The following FBXL2 variants were observed in gnomAD, a reference collection of about 807,000 sequenced individuals.
FBXL2 encodes the protein F-box/LRR-repeat protein 2.
A neutral mutation model predicts 69.2 loss-of-function variants in FBXL2; 38 were observed. The ratio of observed to expected loss-of-function variants is 0.55; its 90% CI spans 0.42 to 0.72. The LOEUF (loss-of-function observed/expected upper bound fraction) is 0.72, where lower values mean the gene tolerates loss of function less well. Among genes scored for constraint, FBXL2 ranks in the 30% least tolerant of loss-of-function variants. The pLI is 0.00. For synonymous variants in FBXL2, 192 were observed against 201.3 expected (o/e 0.95, Z 0.39); for missense variants, 354 against 520.3 (o/e 0.68, Z 3.11).
chr3:33,356,559 AG>A (rs759856800), intron 2 of FBXL2, among the ~76,000 whole-genome samples: 6 of 152,106 alleles, frequency 3.9e-5, no homozygotes, highest in Non-Finnish European at 8.8e-5. Context: ...TGTGTTGACC[AG>A]GTTGATCTCA....
chr3:33,297,328 A>G (rs1373688616), intron 1 of FBXL2, among the ~76,000 whole-genome samples: 1 of 152,098 alleles, frequency 6.6e-6, no homozygotes, highest in Non-Finnish European at 1.5e-5. Flanking sequence ...AGAATTTTCT[A>G]TATGCAAGAT....
At chr3:33,365,286 T>G (rs1224323827) in intron 5 of FBXL2, among the ~76,000 whole-genome samples, 1 of 151,474 alleles carries the variant, frequency 6.6e-6, no homozygotes, top group Non-Finnish European at 1.5e-5. Flanking sequence ...ATTGGGGTTT[T>G]TTTTTTTTTT....
At chr3:33,293,539 G>C (rs2035453404) in intron 1 of FBXL2, among the ~76,000 whole-genome samples, 1 of 152,134 alleles carries the variant, frequency 6.6e-6, no homozygotes, top group South Asian at 2.1e-4. Context: ...TCCTTTCTCT[G>C]ACAATACTGG....
intron 2 of FBXL2, among the ~76,000 whole-genome samples, chr3:33,321,350 A>T (rs2038199588): frequency 6.6e-6 from 1 of 151,958 alleles, no homozygotes; most frequent in Admixed American, 6.6e-5. Flanking sequence ...AAAGAAAAAG[A>T]AAAATGTGCA....
At chr3:33,365,490 C>T (rs887843643) in intron 5 of FBXL2, among the ~76,000 whole-genome samples, 3 of 151,986 alleles carry the variant, frequency 2.0e-5, no homozygotes, top group South Asian at 2.1e-4. Context: ...ATGTTGGCCA[C>T]GCTGGTCTTG....
chr3:33,292,328 A>G (rs922364224), intron 1 of FBXL2, among the ~76,000 whole-genome samples: 10 of 152,154 alleles, frequency 6.6e-5, no homozygotes, highest in African/African-American at 1.9e-4. Flanking sequence ...GCAGCGAGCC[A>G]AGATCATGCC....
At chr3:33,316,641 G>T (rs965354855) in intron 2 of FBXL2, among the ~76,000 whole-genome samples, 1 of 152,172 alleles carries the variant, frequency 6.6e-6, no homozygotes, top group South Asian at 2.1e-4. Context: ...AGGCCCCTTG[G>T]CTCCCTCCTG....
chr3:33,297,573 G>A lies in FBXL2; in HGVS notation c.4-91G>A, dbSNP rs944693265. 1.2e-4 allele frequency: 87 copies of A among 719,418 alleles called. No homozygotes were observed. In the South Asian group the frequency reaches 1.4e-3, roughly 11 times the overall value. The allele number at this position is 719,418 out of a possible 1,614,324, so 44.6% of individuals were successfully genotyped here. A position where few individuals can be genotyped will look rare whatever the true frequency, so the allele number is the denominator to read the frequency against. ...CCCTATTTGTAGGACAATAATTGGG[G>A]CCGTTCTGATCTAGTAGTATAAAAA... is the stretch of plus-strand genomic sequence containing the variant. On this transcript the variant is annotated intron_variant, in intron 1 of 14. Coordinates refer to ENST00000484457, the MANE Select transcript of FBXL2 (RefSeq NM_012157.5).
chr3:33,398,694 G>C (rs1038447801), intron 12 of FBXL2, among the ~76,000 whole-genome samples: 3 of 152,202 alleles, frequency 2.0e-5, no homozygotes, highest in Non-Finnish European at 4.4e-5. Flanking sequence ...CACGCCATGT[G>C]ATCACTGCTC....
At chr3:33,296,399 AT>A (rs1043441816) in intron 1 of FBXL2, among the ~76,000 whole-genome samples, 1 of 151,926 alleles carries the variant, frequency 6.6e-6, no homozygotes, top group African/African-American at 2.4e-5. Flanking sequence ...CAGTTTATCA[AT>A]TTTTTTTGGA....
At chr3:33,318,446 C>T (rs1305604885) in intron 2 of FBXL2, among the ~76,000 whole-genome samples, 2 of 152,082 alleles carry the variant, frequency 1.3e-5, no homozygotes, top group East Asian at 3.9e-4. Context: ...GAAGGAGAAA[C>T]CATTATTTGC....
chr3:33,403,222 C>T (rs1011190865), intron 12 of FBXL2: 2 of 261,464 alleles, frequency 7.6e-6, no homozygotes, highest in African/African-American at 4.7e-5. Flanking sequence ...TTACCAGTAT[C>T]CTCTTTATCA....
chr3:33,330,752 A>G (rs779260625), intron 2 of FBXL2, among the ~76,000 whole-genome samples: 27 of 151,956 alleles, frequency 1.8e-4, no homozygotes, highest in Non-Finnish European at 3.2e-4. Flanking sequence ...AGCCAGGTGT[A>G]GTGGCGTGTG....
At chr3:33,346,090 G>A (rs2040410873) in intron 2 of FBXL2, among the ~76,000 whole-genome samples, 1 of 152,050 alleles carries the variant, frequency 6.6e-6, no homozygotes, top group Non-Finnish European at 1.5e-5. Flanking sequence ...AGCCAGGTGT[G>A]GTGACAGGTG....
chr3:33,402,690 G>A (rs1269339165), intron 12 of FBXL2: 1 of 722,966 alleles, frequency 1.4e-6, no homozygotes, highest in African/African-American at 1.9e-5. Flanking sequence ...TCCCCTTACT[G>A]TTTCCTTTAG....
At chr3:33,351,815 GA>G (rs1188062794) in intron 2 of FBXL2, among the ~76,000 whole-genome samples, 2 of 152,012 alleles carry the variant, frequency 1.3e-5, no homozygotes, top group Non-Finnish European at 2.9e-5. Flanking sequence ...TGGTTTTGTG[GA>G]TGTTCGTAAA....
chr3:33,365,222 A>G (rs887538103), intron 5 of FBXL2, among the ~76,000 whole-genome samples: 3 of 152,044 alleles, frequency 2.0e-5, no homozygotes, highest in African/African-American at 4.8e-5. Flanking sequence ...ACAGTTAGCA[A>G]TATATCCTAT....
rs1289874757 is a variant in FBXL2 at position 33,301,589 on chromosome 3, A to G, written c.65+3864A>G. On this transcript the variant is annotated intron_variant, in intron 2 of 14. Coordinates refer to ENST00000484457, the MANE Select transcript of FBXL2 (RefSeq NM_012157.5). ...TATATTATTTACAGATTCCTTCTCT[A>G]CTACCCATTTTTAGTTTGTTACTGA... is the stretch of plus-strand genomic sequence containing the variant. Among the ~76,000 whole-genome samples, 14 of 152,106 alleles carry G rather than the reference A, an allele frequency of 9.2e-5. No individual in the cohort carries two copies. The South Asian group carries it at 2.7e-3, about 29-fold the overall frequency.
intron 12 of FBXL2, chr3:33,402,950 T>A (rs201214630): frequency 6.7e-6 from 10 of 1,483,010 alleles, no homozygotes; most frequent in Non-Finnish European, 9.2e-6. Flanking sequence ...TTTTAAAATA[T>A]GTGGAAGAAA....
Sources: gnomAD v4.1 joint callset for allele counts (sites outside exome capture counted in the v4.1 genomes callset) on GRCh38, gnomAD v4.1.1 for gene constraint, MANE v1.5 for transcripts, NCBI Gene and HGNC (gene_info 2026-07-23, HGNC 2026-07-21) for gene names.